GNG7: variants seen among roughly 807,000 people sequenced by gnomAD.
The protein encoded by GNG7 is guanine nucleotide-binding protein G(I)/G(S)/G(O) subunit gamma-7.
In GNG7, 1 loss-of-function variant was observed where a neutral mutation model predicts 4.0. The ratio of observed to expected loss-of-function variants is 0.25; its 90% confidence interval spans 0.09 to 1.18. GNG7 has a LOEUF of 1.18. Among genes scored for constraint, GNG7 ranks in the 50% most tolerant of loss-of-function variants. The probability of loss-of-function intolerance (pLI) is 0.50; values close to 1 mark genes in which losing one functional copy is unlikely to be tolerated. For synonymous variants in GNG7, 34 were observed against 36.9 expected (o/e 0.92, Z 0.29); for missense variants, 86 against 91.9 (o/e 0.94, Z 0.26).
chr19:2,631,503 T>A (rs1417427626), intron 2 of GNG7, among the ~76,000 whole-genome samples: 1 of 152,204 alleles, frequency 6.6e-6, no homozygotes, highest in Non-Finnish European at 1.5e-5. Flanking sequence ...TAAATGAATG[T>A]CTGTGGCCGT....
chr19:2,669,504 AAAACAAACAC>A (rs1446365859), intron 1 of GNG7, among the ~76,000 whole-genome samples: 3 of 152,042 alleles, frequency 2.0e-5, no homozygotes, highest in Non-Finnish European at 4.4e-5. Context: ...CAAACAAACA[AAAACAAACAC>A]AAACAAACAA....
chr19:2,583,957 T>C (rs530005002), intron 2 of GNG7, among the ~76,000 whole-genome samples: 1 of 152,098 alleles, frequency 6.6e-6, no homozygotes, highest in South Asian at 2.1e-4. Context: ...TTCAGAAAAG[T>C]CCATACATGT....
At chr19:2,589,371 CTTTTT>C (rs33940288) in intron 2 of GNG7, among the ~76,000 whole-genome samples, 50 of 100,576 alleles carry the variant, frequency 5.0e-4, no homozygotes, top group African/African-American at 1.7e-3. Flanking sequence ...TACAGGTGCA[CTTTTT>C]TTTTTTTTTT....
intron 1 of GNG7, among the ~76,000 whole-genome samples, chr19:2,685,544 G>C (rs1983850216): frequency 6.6e-6 from 1 of 152,102 alleles, no homozygotes; most frequent in South Asian, 2.1e-4. Context: ...AGGATGGCTG[G>C]AACCCAGGAG....
At chr19:2,612,849 C>T (rs1981613391) in intron 2 of GNG7, among the ~76,000 whole-genome samples, 1 of 151,914 alleles carries the variant, frequency 6.6e-6, no homozygotes, top group African/African-American at 2.4e-5. Context: ...CCCACCACCA[C>T]ACCCGGCTAA....
chr19:2,693,766 G>A (rs1913185574), intron 1 of GNG7, among the ~76,000 whole-genome samples: 1 of 152,018 alleles, frequency 6.6e-6, no homozygotes, highest in Non-Finnish European at 1.5e-5. Flanking sequence ...TCACCCCCAG[G>A]GACAAGCTCT....
chr19:2,661,192 C>T (rs1246927461), intron 1 of GNG7, among the ~76,000 whole-genome samples: 3 of 97,572 alleles, frequency 3.1e-5, no homozygotes, highest in East Asian at 6.1e-4. Flanking sequence ...GCCTGGGCAA[C>T]AAGAGCAAAA....
chr19:2,660,335 A>G (rs150115300), intron 1 of GNG7, among the ~76,000 whole-genome samples: 180 of 152,268 alleles, frequency 1.2e-3, no homozygotes, highest in African/African-American at 4.1e-3. Context: ...GAGAAACACA[A>G]TTCCTTCCAT....
chr19:2,553,812 TCACA>T (rs1281996057), intron 3 of GNG7, among the ~76,000 whole-genome samples: 11 of 122,656 alleles, frequency 9.0e-5, no homozygotes, highest in East Asian at 8.2e-4. Context: ...GTGTAATATA[TCACA>T]TACATGTACA....
intron 1 of GNG7, among the ~76,000 whole-genome samples, chr19:2,681,924 G>T (rs1983746242): frequency 6.6e-6 from 1 of 151,550 alleles, no homozygotes; most frequent in South Asian, 2.1e-4. Context: ...CTTTGTTTTT[G>T]TTTGAGATGG....
At chr19:2,639,897 A>G (rs1311267306) in intron 2 of GNG7, among the ~76,000 whole-genome samples, 1 of 42,978 alleles carries the variant, frequency 2.3e-5, no homozygotes, top group South Asian at 1.7e-3. Context: ...GAGAGAGGGA[A>G]GGAGGGAGGG....
chr19:2,612,706 A>ATTTTTTTTTTTTTTTTTTTT (rs1568262802), intron 2 of GNG7, among the ~76,000 whole-genome samples: 2 of 118,420 alleles, frequency 1.7e-5, no homozygotes, highest in African/African-American at 9.3e-5. Flanking sequence ...TTTTTTGAGA[A>ATTTTTTTTTTTTTTTTTTTT]ATTTTTTTTT....
At chr19:2,658,837 G>A (rs1219929742) in intron 1 of GNG7, among the ~76,000 whole-genome samples, 1 of 152,114 alleles carries the variant, frequency 6.6e-6, no homozygotes, top group Non-Finnish European at 1.5e-5. Flanking sequence ...TACCTTTTCG[G>A]GGAGAGGAGA....
At position 2,694,654 on chromosome 19, in the gene GNG7, C is replaced by G. The variant is rs369432392; in HGVS notation, c.-135+7992G>C. Among the ~76,000 whole-genome samples, 58 of 152,252 alleles carry G rather than the reference C, an allele frequency of 3.8e-4. No individual in the cohort carries two copies. In the South Asian group the frequency reaches 0.011, roughly 29 times the overall value. On this transcript the variant is annotated intron_variant, in intron 1 of 4. Coordinates refer to ENST00000382159, the MANE Select transcript of GNG7 (RefSeq NM_052847.3). ...AGCTTCTGGGGCTCACCTCCTCTCT[C>G]CCTCCCCACTCAGGGTGTGGATTTC...
chr19:2,687,831 C>G (rs1011807483), intron 1 of GNG7, among the ~76,000 whole-genome samples: 1 of 151,520 alleles, frequency 6.6e-6, no homozygotes, highest in African/African-American at 2.4e-5. Flanking sequence ...AAAAATTAGC[C>G]GGGCAAGGTG....
At chr19:2,690,147 C>A (rs1022684575) in intron 1 of GNG7, among the ~76,000 whole-genome samples, 2 of 151,906 alleles carry the variant, frequency 1.3e-5, no homozygotes, top group Non-Finnish European at 2.9e-5. Context: ...TTTGGGAGGC[C>A]GAAGCGAAAG....
intron 2 of GNG7, among the ~76,000 whole-genome samples, chr19:2,599,980 T>C (rs981028595): frequency 5.9e-5 from 9 of 152,028 alleles, no homozygotes; most frequent in Middle Eastern, 3.2e-3. Flanking sequence ...TACACAACTC[T>C]GGATATTCTA....
chr19:2,526,446 T>C (rs1978399560), intron 3 of GNG7, among the ~76,000 whole-genome samples: 1 of 123,074 alleles, frequency 8.1e-6, no homozygotes, highest in Non-Finnish European at 1.7e-5. Flanking sequence ...TATTATACTA[T>C]AGTATTATAC....
At chr19:2,523,756 G>C (rs1313781164) in intron 3 of GNG7, among the ~76,000 whole-genome samples, 1 of 152,150 alleles carries the variant, frequency 6.6e-6, no homozygotes, top group Non-Finnish European at 1.5e-5. Context: ...GCCGGGGAAT[G>C]ACACACAGAA....
Sources: gnomAD v4.1 joint callset for allele counts (sites outside exome capture counted in the v4.1 genomes callset) on GRCh38, gnomAD v4.1.1 for gene constraint, MANE v1.5 for transcripts, NCBI Gene and HGNC (gene_info 2026-07-23, HGNC 2026-07-21) for gene names.